OR5K1: variants seen among roughly 807,000 people sequenced by gnomAD.
OR5K1 encodes the protein olfactory receptor 5K1.
OR5K1 carries 7 observed loss-of-function variants against 10.4 expected under a neutral mutation model. The ratio of observed to expected loss-of-function variants is 0.67; its 90% CI spans 0.38 to 1.26. The LOEUF is 1.26. Among genes scored for constraint, OR5K1 ranks in the 50% most tolerant of loss-of-function variants. The pLI is 0.02. For missense variants in OR5K1, 435 were observed against 366.2 expected (o/e 1.19, Z -1.53); for synonymous variants, 135 against 128.5 (o/e 1.05, Z -0.34).
At chr3:98,469,185 GAA>G (rs941234589) in intron 1 of OR5K1, among the ~76,000 whole-genome samples, 2 of 152,034 alleles carry the variant, frequency 1.3e-5, no homozygotes, top group African/African-American at 4.8e-5. Context: ...TGAAGGAACA[GAA>G]AACCAGGTAT....
Position 98,470,624 on chromosome 3 carries a change from A to G in OR5K1, c.*121A>G, listed in dbSNP as rs1406923512. The stretch of plus-strand genomic sequence containing the variant: ...AATTATAAGTAAAATTTTAATATAT[A>G]AGAATACATTCAAATTAAGTGGCAA... On this transcript the variant is annotated 3_prime_UTR_variant, in exon 2 of 2. Coordinates refer to ENST00000642057, the MANE Select transcript of OR5K1 (RefSeq NM_001004736.4). The G allele has an allele frequency of 1.7e-6, 1 of 578,106 alleles. No individual in the cohort carries two copies. The highest frequency in any genetic ancestry group is 3.0e-6 in the Non-Finnish European group (1 of 332,534). The allele number at this position is 578,106 out of a possible 1,614,324, so 35.8% of individuals were successfully genotyped here.
At position 98,470,344 on chromosome 3, in the gene OR5K1, C is replaced by T. The variant is rs763166914; in HGVS notation, c.768C>T (p.Phe256=). 2 of 1,613,240 alleles carry T rather than the reference C, an allele frequency of 1.2e-6. No individual in the cohort carries two copies. The highest frequency in any genetic ancestry group is 1.1e-5 in the South Asian group (1 of 91,052). The change falls in exon 2 of 2, where the codon TTC becomes TTT. Residue 256 remains phenylalanine (F), a synonymous_variant. Transcript: ENST00000642057. ...LSVSLFYGSL[F]FMYVRPNLLE... ...TTTCATTATTCTATGGATCTCTTTT[C>T]TTCATGTACGTTAGACCAAATTTGC...
chr3:98,469,143 AGAGCTG>A (rs1380131424), intron 1 of OR5K1, among the ~76,000 whole-genome samples: 2 of 152,066 alleles, frequency 1.3e-5, no homozygotes, highest in Non-Finnish European at 2.9e-5. Context: ...CAACATGGAC[AGAGCTG>A]GAGGCCATTA....
rs775866583 is a variant in OR5K1, at chr3:98,469,570, G to C, written c.-7G>C. On this transcript the variant is annotated 5_prime_UTR_variant, in exon 2 of 2. Coordinates refer to ENST00000642057, the MANE Select transcript of OR5K1 (RefSeq NM_001004736.4). ...TTCTCCACAATTTTTTTTCAGACAA[G>C]TCAGGAATGGCTGAAGAAAATCATA... The C allele has an allele frequency of 7.5e-6, 12 of 1,603,436 alleles. No individual in the cohort carries two copies. The highest frequency in any genetic ancestry group is 1.0e-5 in the Non-Finnish European group (12 of 1,174,294).
chr3:98,465,290 T>C (rs1013326605), intron 1 of OR5K1, among the ~76,000 whole-genome samples: 4 of 152,208 alleles, frequency 2.6e-5, no homozygotes, highest in African/African-American at 4.8e-5. Flanking sequence ...ATTACAATAA[T>C]CTTCAAGGTA....
At position 98,471,432 on chromosome 3, in the gene OR5K1, C is replaced by A. The variant is rs796977597; in HGVS notation, c.*929C>A. ...TTTTTTTCTTTTCACTATTGCAAAA[C>A]CTGAAGTTGGTATTGTGGGTAGAGT... On this transcript the variant is annotated 3_prime_UTR_variant, in exon 2 of 2. Transcript: ENST00000642057. The A allele has an allele frequency of 6.6e-6, 1 of 151,650 alleles. No individual in the cohort carries two copies. Among genetic ancestry groups the A allele is most frequent in the African/African-American group, 2.4e-5 (1 of 41,266 alleles). The allele number at this position is 151,650 out of a possible 1,614,324, so 9.4% of individuals were successfully genotyped here.
At chr3:98,465,716 T>C (rs1705364199) in intron 1 of OR5K1, among the ~76,000 whole-genome samples, 1 of 151,960 alleles carries the variant, frequency 6.6e-6, no homozygotes, top group Non-Finnish European at 1.5e-5. Flanking sequence ...TAAAAAATTA[T>C]ATTTCCTTCA....
In OR5K1 at chr3:98,471,349, T is replaced by C. The variant is rs2107095490; in HGVS notation, c.*846T>C. 1 of 152,112 alleles carries C rather than the reference T, an allele frequency of 6.6e-6. No homozygotes were observed. Among genetic ancestry groups the C allele is most frequent in the African/African-American group, 2.4e-5 (1 of 41,546 alleles). 9.4% of individuals were successfully genotyped at this position (152,112 alleles called of 1,614,324 possible). A position where few individuals can be genotyped will look rare whatever the true frequency, so the allele number is the denominator to read the frequency against. Reference sequence around the variant, plus strand: ...AATAGAGACCACTACCCTGGGTATATTATATATAGAAATGTAAAACATAGT... The same window carrying C: ...AATAGAGACCACTACCCTGGGTATACTATATATAGAAATGTAAAACATAGT... On this transcript the variant is annotated 3_prime_UTR_variant, in exon 2 of 2. Coordinates refer to ENST00000642057, the MANE Select transcript of OR5K1 (RefSeq NM_001004736.4).
At chr3:98,466,324 G>T (rs1705374967) in intron 1 of OR5K1, among the ~76,000 whole-genome samples, 1 of 114,492 alleles carries the variant, frequency 8.7e-6, no homozygotes, top group Non-Finnish European at 1.7e-5. Flanking sequence ...TTGGTTCCAA[G>T]TCTTTGCTAC....
rs968975239 is a variant in OR5K1 at position 98,471,046 on chromosome 3, A to C, written c.*543A>C. On this transcript the variant is annotated 3_prime_UTR_variant, in exon 2 of 2. Coordinates refer to ENST00000642057, the MANE Select transcript of OR5K1 (RefSeq NM_001004736.4). ...GGGGACATTACTGTAGTTAGAAAGGAAGTATTAGGAAAACGAAGGTGTCAA... is the reference window on the plus strand; with the variant it reads ...GGGGACATTACTGTAGTTAGAAAGGCAGTATTAGGAAAACGAAGGTGTCAA... 4 of 152,088 alleles carry C rather than the reference A, an allele frequency of 2.6e-5. No homozygotes were observed. The highest frequency in any genetic ancestry group is 9.7e-5 in the African/African-American group (4 of 41,446). The allele number at this position is 152,088 out of a possible 1,614,324, so 9.4% of individuals were successfully genotyped here.
At chr3:98,467,979 A>C (rs910135105) in intron 1 of OR5K1, among the ~76,000 whole-genome samples, 1 of 152,060 alleles carries the variant, frequency 6.6e-6, no homozygotes, top group Non-Finnish European at 1.5e-5. Context: ...ATCTTGTGCC[A>C]GTTTTCAAAG....
In OR5K1 at chr3:98,472,292, T is replaced by A. The variant is rs914756240; in HGVS notation, c.*1789T>A. 6.6e-6 allele frequency: 1 copy of A among 151,964 alleles called. No homozygotes were observed. Among genetic ancestry groups the A allele is most frequent in the Non-Finnish European group, 1.5e-5 (1 of 67,944 alleles). 9.4% of individuals were successfully genotyped at this position (151,964 alleles called of 1,614,324 possible). A position where few individuals can be genotyped will look rare whatever the true frequency, so the allele number is the denominator to read the frequency against. Reference sequence around the variant, plus strand: ...TTTCTGAGTAAATTCTCTTGACCTCTTCCCAGTGGGTCCAGGAAATGTTGA... The same window carrying A: ...TTTCTGAGTAAATTCTCTTGACCTCATCCCAGTGGGTCCAGGAAATGTTGA... On this transcript the variant is annotated 3_prime_UTR_variant, in exon 2 of 2. Transcript: ENST00000642057.
rs1705468371 is a variant in OR5K1, at chr3:98,472,913, C to T, written c.*2410C>T. 6.6e-6 allele frequency: 1 copy of T among 151,518 alleles called. No homozygotes were observed. Among genetic ancestry groups the T allele is most frequent in the African/African-American group, 2.4e-5 (1 of 41,280 alleles). The allele number at this position is 151,518 out of a possible 1,614,324, so 9.4% of individuals were successfully genotyped here. A position where few individuals can be genotyped will look rare whatever the true frequency, so the allele number is the denominator to read the frequency against. ...AAATCTCGACTCATTTTATGGTATG[C>T]AGAGGAAAACAGACATGTTTAAAAC... On this transcript the variant is annotated 3_prime_UTR_variant, in exon 2 of 2. Coordinates refer to ENST00000642057, the MANE Select transcript of OR5K1 (RefSeq NM_001004736.4).
intron 1 of OR5K1, among the ~76,000 whole-genome samples, chr3:98,466,793 A>T (rs1414879135): frequency 2.2e-5 from 3 of 133,544 alleles, no homozygotes; most frequent in African/African-American, 6.7e-5. Flanking sequence ...TAGATTCTGG[A>T]TATTAGCCGT....
rs948823397 is a variant in OR5K1, at chr3:98,471,852, A to G, written c.*1349A>G. ...GAATTTCCAATTCCCTAACTCATCA[A>G]TGCAAAAATATAACCACCTAGTTTT... is the stretch of plus-strand genomic sequence containing the variant. On this transcript the variant is annotated 3_prime_UTR_variant, in exon 2 of 2. Transcript: ENST00000642057. 2.0e-5 allele frequency: 3 copies of G among 152,072 alleles called. No homozygotes were observed. Among genetic ancestry groups the G allele is most frequent in the African/African-American group, 7.2e-5 (3 of 41,430 alleles). 9.4% of individuals were successfully genotyped at this position (152,072 alleles called of 1,614,324 possible).
Position 98,470,494 on chromosome 3 carries a change from GA to G in OR5K1, c.920del (p.Lys307ArgfsTer11). ...VISVLRKILM[K>X]K ...TAAGTGTCTTAAGAAAAATTCTGATGAAGAAATAATCTCAAGAAAGATGGAA... is the reference window on the plus strand; with the variant it reads ...TAAGTGTCTTAAGAAAAATTCTGATGAGAAATAATCTCAAGAAAGATGGAA... On this transcript the variant is annotated frameshift_variant, in exon 2 of 2. Transcript: ENST00000642057. LOFTEE classifies it high-confidence loss of function. 1 of 1,538,160 alleles carries G rather than the reference GA, an allele frequency of 6.5e-7. No homozygotes were observed. Among genetic ancestry groups the G allele is most frequent in the Non-Finnish European group, 8.9e-7 (1 of 1,120,310 alleles).
Position 98,471,585 on chromosome 3 carries a change from A to G in OR5K1, c.*1082A>G, listed in dbSNP as rs1705448495. On this transcript the variant is annotated 3_prime_UTR_variant, in exon 2 of 2. Coordinates refer to ENST00000642057, the MANE Select transcript of OR5K1 (RefSeq NM_001004736.4). ...GGCCATATCAGTTACAAAAAATGCC[A>G]GTTTTTCCATCTTCTCGAAGAATAG... The G allele has an allele frequency of 6.6e-6, 1 of 151,980 alleles. No individual in the cohort carries two copies. Among genetic ancestry groups the G allele is most frequent in the Non-Finnish European group, 1.5e-5 (1 of 67,954 alleles). 9.4% of individuals were successfully genotyped at this position (151,980 alleles called of 1,614,324 possible). A position where few individuals can be genotyped will look rare whatever the true frequency, so the allele number is the denominator to read the frequency against.
chr3:98,469,604 A>T lies in OR5K1; in HGVS notation c.28A>T (p.Asn10Tyr). 1 of 1,609,464 alleles carries T rather than the reference A, an allele frequency of 6.2e-7. No individual in the cohort carries two copies. The highest frequency in any genetic ancestry group is 8.5e-7 in the Non-Finnish European group (1 of 1,177,498). ...GGCTGAAGAAAATCATACCATGAAA[A>T]ATGAGTTTATCCTCACAGGATTTAC... The part of the protein sequence containing the change: MAEENHTMK[N>Y]EFILTGFTDH... The change falls in exon 2 of 2, where the codon AAT (asparagine) becomes TAT (tyrosine). Residue 10 changes from asparagine to tyrosine, a missense_variant. Coordinates refer to ENST00000642057, the MANE Select transcript of OR5K1 (RefSeq NM_001004736.4).
At position 98,470,394 on chromosome 3, in the gene OR5K1, C is replaced by T. The variant is rs1456205585; in HGVS notation, c.818C>T (p.Pro273Leu). The T allele has an allele frequency of 1.2e-6, 2 of 1,610,296 alleles. No homozygotes were observed. Among genetic ancestry groups the T allele is most frequent in the East Asian group, 2.2e-5 (1 of 44,800 alleles). The change falls in exon 2 of 2, where the codon CCA becomes CTA. Residue 273 changes from proline (P) to leucine (L), a missense_variant. Physicochemically the swap from Pro to Leu is moderately conservative, Grantham distance 98. Transcript: ENST00000642057. ...NLLEEGDKDI[P>L]AAILFTIVVP... is the part of the protein sequence containing the mutation. ...CTTGAAGAAGGGGATAAAGATATAC[C>T]AGCTGCAATTTTATTTACAATAGTA...
Sources: gnomAD v4.1 joint callset for allele counts (sites outside exome capture counted in the v4.1 genomes callset) on GRCh38, gnomAD v4.1.1 for gene constraint, MANE v1.5 for transcripts, NCBI Gene and HGNC (gene_info 2026-07-23, HGNC 2026-07-21) for gene names.